Variants in PCYT1B observed in about 807,000 individuals in gnomAD.
The protein encoded by PCYT1B is phosphate cytidylyltransferase 1B, choline.
PCYT1B carries 10 observed loss-of-function variants against 26.4 expected under a neutral mutation model. The observed-to-expected ratio is 0.38, with a 90% CI of 0.23 to 0.64. The LOEUF (loss-of-function observed/expected upper bound fraction) is 0.64. Ranked by LOEUF, PCYT1B falls within the 30% of genes least tolerant of loss-of-function variation. The pLI is 0.56. For missense variants in PCYT1B, 161 were observed against 292.7 expected (o/e 0.55, Z 3.28); for synonymous variants, 131 against 108.4 (o/e 1.21, Z -1.29).
At chrX:24,660,637 C>T (rs1927008724) in intron 1 of PCYT1B, among the ~76,000 whole-genome samples, 1 of 98,662 alleles carries the variant, frequency 1.0e-5, no homozygotes, top group Admixed American at 1.2e-4. Flanking sequence ...AAGATCTCAC[C>T]ATTGCACTCC....
intron 1 of PCYT1B, among the ~76,000 whole-genome samples, chrX:24,635,634 C>A (rs1455690548): frequency 8.9e-6 from 1 of 111,810 alleles, no homozygotes; most frequent in African/African-American, 3.2e-5. Flanking sequence ...GATTGCTTTA[C>A]CCTTGGACCT....
chrX:24,627,279 A>G (rs1569251519), intron 1 of PCYT1B, among the ~76,000 whole-genome samples: 1 of 112,202 alleles, frequency 8.9e-6, no homozygotes, highest in Non-Finnish European at 1.9e-5. Context: ...TGAGCTTTTT[A>G]GGACACTGTA....
chrX:24,656,625 C>T (rs960162014), intron 1 of PCYT1B, among the ~76,000 whole-genome samples: 36 of 86,448 alleles, frequency 4.2e-4, no homozygotes, highest in African/African-American at 7.1e-4. Flanking sequence ...GGCATGATCT[C>T]GGCTCACTGC....
At chrX:24,591,179 C>T (rs1207170376) in intron 3 of PCYT1B, among the ~76,000 whole-genome samples, 1 of 111,209 alleles carries the variant, frequency 9.0e-6, no homozygotes, top group Non-Finnish European at 1.9e-5. Flanking sequence ...AAAGATGTTT[C>T]GAGAACTTAG....
chrX:24,659,007 T>C (rs768914930), intron 1 of PCYT1B, among the ~76,000 whole-genome samples: 1 of 112,060 alleles, frequency 8.9e-6, no homozygotes, highest in East Asian at 2.8e-4. Context: ...ATGTCTAGTT[T>C]GCAGATAAGA....
intron 7 of PCYT1B, among the ~76,000 whole-genome samples, chrX:24,569,756 G>T (rs1208677394): frequency 8.9e-6 from 1 of 112,150 alleles, no homozygotes; most frequent in Non-Finnish European, 1.9e-5. Context: ...GGGGGCAGAA[G>T]GGGATAGGGA....
intron 1 of PCYT1B, among the ~76,000 whole-genome samples, chrX:24,646,703 A>C (rs984676504): frequency 1.8e-5 from 2 of 110,912 alleles, no homozygotes; most frequent in Non-Finnish European, 3.8e-5. Flanking sequence ...TTCAGACAAG[A>C]ACACACCTAA....
intron 1 of PCYT1B, among the ~76,000 whole-genome samples, chrX:24,663,919 A>AAAAACAAAAC (rs372746345): frequency 4.3e-4 from 48 of 110,877 alleles, no homozygotes; most frequent in African/African-American, 1.3e-3. Context: ...ATTCCGTCTC[A>AAAAACAAAAC]AAAACAAAAC....
intron 1 of PCYT1B, among the ~76,000 whole-genome samples, chrX:24,629,595 A>C (rs1926000992): frequency 1.1e-5 from 1 of 94,308 alleles, no homozygotes; most frequent in African/African-American, 3.8e-5. Flanking sequence ...AAAAAACAAC[A>C]CGTATTTTCC....
At chrX:24,610,094 T>TTATA (rs748477551) in intron 2 of PCYT1B, among the ~76,000 whole-genome samples, 8 of 106,975 alleles carry the variant, frequency 7.5e-5, no homozygotes, top group Admixed American at 3.1e-4. Context: ...GTGTCTCAAA[T>TTATA]TATATATATA....
chrX:24,650,187 A>G (rs1263715194), upstream of PCYT1B: 6 of 112,079 alleles, frequency 5.4e-5, no homozygotes, highest in Non-Finnish European at 1.1e-4. Context: ...TAATGCTATC[A>G]AGACAATTAG....
At chrX:24,654,749 C>CAAAAAAAAAAAAAA (rs574317952) in intron 1 of PCYT1B, among the ~76,000 whole-genome samples, 1 of 40,049 alleles carries the variant, frequency 2.5e-5, no homozygotes, top group African/African-American at 1.1e-4. Context: ...GACCCTGTCT[C>CAAAAAAAAAAAAAA]AAAAAAAAAA....
intron 1 of PCYT1B, among the ~76,000 whole-genome samples, chrX:24,638,360 C>G (rs1427944537): frequency 2.7e-5 from 3 of 111,794 alleles, no homozygotes; most frequent in Non-Finnish European, 5.6e-5. Context: ...TTGTTGAGTG[C>G]TAAACTGTCT....
intron 1 of PCYT1B, chrX:24,672,456 T>G: frequency 4.0e-6 from 2 of 499,807 alleles, no homozygotes; most frequent in East Asian, 3.6e-5. Flanking sequence ...CCATTTTTAG[T>G]GTGACTATTA....
chrX:24,618,366 G>A (rs1010821819), intron 2 of PCYT1B, among the ~76,000 whole-genome samples: 5 of 112,015 alleles, frequency 4.5e-5, no homozygotes, highest in African/African-American at 1.3e-4. Flanking sequence ...TGTGAGGTAG[G>A]TATTGTTATC....
chrX:24,663,918 C>T (rs757496533), intron 1 of PCYT1B, among the ~76,000 whole-genome samples: 2 of 108,503 alleles, frequency 1.8e-5, no homozygotes, highest in South Asian at 7.8e-4. Flanking sequence ...GATTCCGTCT[C>T]AAAAACAAAA....
chrX:24,618,918 C>T (rs1925609161), intron 2 of PCYT1B, 67 bp downstream of exon 2: 6 of 717,454 alleles, frequency 8.4e-6, no homozygotes, highest in South Asian at 7.5e-5. Context: ...CCACCACGCC[C>T]GGCCCCTTTC....
chrX:24,607,939 T>C, intron 2 of PCYT1B, 78 bp from the exon 3 acceptor site: 1 of 526,949 alleles, frequency 1.9e-6, no homozygotes. Flanking sequence ...CGTAAGAAAC[T>C]TTCTGGATAA....
At chrX:24,640,555 T>C (rs1926434523) in intron 1 of PCYT1B, among the ~76,000 whole-genome samples, 1 of 111,292 alleles carries the variant, frequency 9.0e-6, no homozygotes, top group African/African-American at 3.3e-5. Flanking sequence ...TCCTCTATTT[T>C]CCCCCTCTAA....
Sources: allele counts gnomAD v4.1 joint callset (sites outside exome capture counted in the v4.1 genomes callset), GRCh38; gene constraint gnomAD v4.1.1; transcripts MANE v1.5; gene names NCBI Gene and HGNC (gene_info 2026-07-23, HGNC 2026-07-21).